DNAH17: variants seen among roughly 807,000 people sequenced by gnomAD.
DNAH17 encodes axonemal beta dynein heavy chain 17.
Under a neutral mutation model 485.6 loss-of-function variants are expected in DNAH17, and 376 were observed. That is an observed-to-expected ratio of 0.77 (90% confidence interval 0.71 to 0.84). The LOEUF (loss-of-function observed/expected upper bound fraction) is 0.84. Ranked by LOEUF, DNAH17 falls within the 40% of genes least tolerant of loss-of-function variation. The pLI, the probability that DNAH17 is intolerant of heterozygous loss-of-function variation, is 0.00. For missense variants in DNAH17, 6,370 were observed against 5,839.3 expected (o/e 1.09, Z -2.96); for synonymous variants, 3,031 against 2,405.9 (o/e 1.26, Z -7.60).
At position 78,431,457 on chromosome 17, in the gene DNAH17, C is replaced by CCCCCCG. The variant is rs1003682284; in HGVS notation, c.12226-2158_12226-2157insCGGGGG. On this transcript the variant is annotated intron_variant, in intron 75 of 80. Coordinates refer to ENST00000389840, the MANE Select transcript of DNAH17 (RefSeq NM_173628.4). ...CGTACCTGCTGAGGGAACCCCCCAC[C>CCCCCCG]CCGAGACTCCTGGGGGAGCTGTAGC... Among the ~76,000 whole-genome samples, 95 of 148,190 alleles carry CCCCCCG rather than the reference C, an allele frequency of 6.4e-4. 1 individual carries two copies. The highest frequency in any genetic ancestry group is 2.5e-3 in the African/African-American group (94 of 38,096).
Position 78,485,603 on chromosome 17 carries a change from T to C in DNAH17, c.7430A>G (p.Tyr2477Cys). Residue 2477 changes from tyrosine to cysteine, a missense_variant, in exon 47 of 81, where the codon TAC becomes TGC. Coordinates refer to ENST00000389840, the MANE Select transcript of DNAH17 (RefSeq NM_173628.4). ...GTTGAAGGGCACAGCCTGCACCAGG[T>C]AGTTGTCCGTGTTCAGGCTTTCCAG... ...DKLESLNTDN[Y>C]LVQAVPFNFY... 6.2e-7 allele frequency: 1 copy of C among 1,613,650 alleles called. No homozygotes were observed. The highest frequency in any genetic ancestry group is 8.5e-7 in the Non-Finnish European group (1 of 1,179,764).
chr17:78,432,213 A>AAATAAAATT (rs1568042512), intron 75 of DNAH17, among the ~76,000 whole-genome samples: 68 of 151,674 alleles, frequency 4.5e-4, no homozygotes, highest in African/African-American at 1.6e-3. Flanking sequence ...TAAAATAAAT[A>AAATAAAATT]AAAATTAAAA....
intron 17 of DNAH17, among the ~76,000 whole-genome samples, chr17:78,541,311 GTGAGTGGATGGGTGGGTAGGGTGGGTGGA>G (rs2143449082): frequency 9.0e-6 from 1 of 111,378 alleles, no homozygotes; most frequent in East Asian, 3.1e-4. Context: ...GGGTGGGTGA[GTGAGTGGATGGGTGGGTAGGGTGGGTGGA>G]TGAGTGGACA....
chr17:78,545,487 G>A (rs953837739), intron 16 of DNAH17, among the ~76,000 whole-genome samples: 4 of 152,112 alleles, frequency 2.6e-5, no homozygotes, highest in South Asian at 2.1e-4. Flanking sequence ...GATGATGGCC[G>A]CCTTCTTGTT....
At chr17:78,438,131 G>A (rs1204313145) in intron 73 of DNAH17, among the ~76,000 whole-genome samples, 1 of 151,912 alleles carries the variant, frequency 6.6e-6, no homozygotes, top group African/African-American at 2.4e-5. Flanking sequence ...CTTACGGTGA[G>A]TCCTTTGTGT....
At chr17:78,437,992 T>A in intron 73 of DNAH17, 124 bp from the exon 74 acceptor site, 1 of 692,690 alleles carries the variant, frequency 1.4e-6, no homozygotes, top group Non-Finnish European at 2.4e-6. Flanking sequence ...CACACTTGCC[T>A]GGTGCTGGCA....
At position 78,507,829 on chromosome 17, in the gene DNAH17, G is replaced by A. The variant is rs75839415; in HGVS notation, c.4237-24C>T. ...ACCTTTTGGGGGAACAGAAAAATAA[G>A]GTCACTGAGCATTTGGCATGCAAAG... On this transcript the variant is annotated intron_variant, in intron 27 of 80. Coordinates refer to ENST00000389840, the MANE Select transcript of DNAH17 (RefSeq NM_173628.4). The A allele has an allele frequency of 1.9e-3, 2,895 of 1,515,104 alleles. 46 individuals carry two copies. In the African/African-American group the frequency reaches 0.035, roughly 19 times the overall value. 93.9% of individuals were successfully genotyped at this position (1,515,104 alleles called of 1,614,324 possible).
chr17:78,438,711 C>T (rs1458526565), intron 73 of DNAH17, among the ~76,000 whole-genome samples: 1 of 151,844 alleles, frequency 6.6e-6, no homozygotes, highest in African/African-American at 2.4e-5. Context: ...GTTGGTCAGG[C>T]TGGTCTCGAA....
intron 15 of DNAH17, 139 bp downstream of exon 15, chr17:78,552,558 C>G (rs1021546410): frequency 5.6e-5 from 23 of 413,798 alleles, no homozygotes; most frequent in Middle Eastern, 4.7e-4. Flanking sequence ...AAGTAACTAT[C>G]CTTTAGCCCC....
rs1365881630 is a variant in DNAH17 at position 78,506,173 on chromosome 17, C to T, written c.4803+547G>A. On this transcript the variant is annotated intron_variant, in intron 30 of 80. Transcript: ENST00000389840. Reference sequence around the variant, plus strand: ...TTTTTTTTTTTGAGACAGAGTCTCACTCTGTCGCCCAGGCTGGAGTGCAGT... The same window carrying T: ...TTTTTTTTTTTGAGACAGAGTCTCATTCTGTCGCCCAGGCTGGAGTGCAGT... Among the ~76,000 whole-genome samples the T allele has an allele frequency of 3.0e-5, 4 of 135,470 alleles. No homozygotes were observed. The Admixed American group carries it at 3.2e-4, about 11-fold the overall frequency. The allele number at this position is 135,470 out of a possible 152,430, so 88.9% of individuals were successfully genotyped here. A position where few individuals can be genotyped will look rare whatever the true frequency, so the allele number is the denominator to read the frequency against.
At chr17:78,554,436 CAAAAAAAAA>C (rs55701739) in intron 14 of DNAH17, among the ~76,000 whole-genome samples, 1,320 of 31,690 alleles carry the variant, frequency 0.042, 34 homozygotes, top group African/African-American at 0.072. Context: ...GACTCTGTCT[CAAAAAAAAA>C]AAAAAAAAAA....
chr17:78,529,429 C>G (rs758857911), intron 22 of DNAH17, 43 bp downstream of exon 22: 1 of 1,601,738 alleles, frequency 6.2e-7, no homozygotes, highest in Admixed American at 1.7e-5. Context: ...CGGGATGGCT[C>G]TCCCTGCTCA....
At chr17:78,478,229 CCATCACCACCAT>C (rs1363850502) in intron 51 of DNAH17, among the ~76,000 whole-genome samples, 28 of 67,772 alleles carry the variant, frequency 4.1e-4, no homozygotes, top group East Asian at 4.5e-4. Context: ...CACCACATCA[CCATCACCACCAT>C]CATCACCACC....
chr17:78,517,177 G>T (rs1015963302), intron 25 of DNAH17, among the ~76,000 whole-genome samples: 1 of 152,092 alleles, frequency 6.6e-6, no homozygotes, highest in African/African-American at 2.4e-5. Context: ...CCAGTAGCTG[G>T]GACTACAGGC....
intron 12 of DNAH17, 55 bp from the exon 13 acceptor site, chr17:78,560,990 T>G (rs1476345032): frequency 1.3e-6 from 2 of 1,492,252 alleles, no homozygotes; most frequent in African/African-American, 2.8e-5. Context: ...TGGGGTGTCT[T>G]CGGCACGTCC....
intron 72 of DNAH17, among the ~76,000 whole-genome samples, 159 bp from the exon 73 acceptor site, chr17:78,439,376 G>C (rs151002310): frequency 0.01 from 1,534 of 152,166 alleles, 14 homozygotes; most frequent in Admixed American, 0.016. Context: ...CCATCTTAAA[G>C]CGTACAGTGC....
At chr17:78,570,102 C>CA (rs2092329899) in intron 7 of DNAH17, 145 bp downstream of exon 7, 3 of 935,246 alleles carry the variant, frequency 3.2e-6, no homozygotes, top group East Asian at 2.7e-5. Flanking sequence ...GGCTCCATCT[C>CA]AGCTCGGGGC....
At position 78,455,863 on chromosome 17, in the gene DNAH17, CAT is replaced by C. The variant is rs534569817; in HGVS notation, c.9978-29_9978-28del. The C allele has an allele frequency of 2.5e-5, 39 of 1,545,466 alleles. No individual in the cohort carries two copies. The South Asian group carries it at 4.7e-4, about 19-fold the overall frequency. On this transcript the variant is annotated intron_variant, in intron 62 of 80. Coordinates refer to ENST00000389840, the MANE Select transcript of DNAH17 (RefSeq NM_173628.4). ...TAAAGTGGGATGAGAGAGAATAAAA[CAT>C]ATTTGCACAAGTGAGGGGACTGGAC... is the stretch of plus-strand genomic sequence containing the variant.
At chr17:78,447,962 G>A (rs975486285) in intron 69 of DNAH17, among the ~76,000 whole-genome samples, 4 of 151,988 alleles carry the variant, frequency 2.6e-5, no homozygotes, top group South Asian at 4.2e-4. Flanking sequence ...ACCTAAGATC[G>A]GGAGTTCGAG....
Sources: gnomAD v4.1 joint callset for allele counts (sites outside exome capture counted in the v4.1 genomes callset) on GRCh38, gnomAD v4.1.1 for gene constraint, MANE v1.5 for transcripts, NCBI Gene and HGNC (gene_info 2026-07-23, HGNC 2026-07-21) for gene names.